The following SRD5A2 variants were observed in gnomAD, a reference collection of about 807,000 sequenced individuals.
SRD5A2 encodes steroid 5 alpha-reductase 2, also known as 3-oxo-5-alpha-steroid 4-dehydrogenase 2.
In SRD5A2, 30 loss-of-function variants were observed where a neutral mutation model predicts 27.4. The observed-to-expected ratio is 1.10, with a 90% CI of 0.82 to 1.49. SRD5A2 has a LOEUF of 1.49. Among genes scored for constraint, SRD5A2 ranks in the 40% most tolerant of loss-of-function variants. SRD5A2 has a pLI of 0.00. For synonymous variants in SRD5A2, 141 were observed against 133.6 expected (o/e 1.06, Z -0.38); for missense variants, 348 against 323.4 (o/e 1.08, Z -0.58).
chr2:31,661,499 T>C, the SRD5A2 span, among the ~76,000 whole-genome samples: 4 of 152,184 alleles, frequency 2.6e-5, no homozygotes, highest in Admixed American at 6.5e-5. Flanking sequence ...CTGTTTGATA[T>C]ACAACCATCT....
At chr2:31,620,655 A>G in the SRD5A2 span, among the ~76,000 whole-genome samples, 1 of 151,918 alleles carries the variant, frequency 6.6e-6, no homozygotes, top group African/African-American at 2.4e-5. Context: ...GTTAGTGTAT[A>G]CTTAGTATAA....
chr2:31,534,399 A>G (rs1046418496), intron 1 of SRD5A2, among the ~76,000 whole-genome samples: 3 of 152,198 alleles, frequency 2.0e-5, no homozygotes, highest in Non-Finnish European at 4.4e-5. Flanking sequence ...AAGCCATGGC[A>G]TACTAAGGAT....
chr2:31,655,267 A>G, the SRD5A2 span, among the ~76,000 whole-genome samples: 2 of 151,908 alleles, frequency 1.3e-5, no homozygotes, highest in African/African-American at 2.4e-5. Context: ...ACGACTGACT[A>G]ATTTTTGTAT....
the SRD5A2 span, among the ~76,000 whole-genome samples, chr2:31,642,482 A>G: frequency 6.6e-6 from 1 of 152,036 alleles, no homozygotes; most frequent in Non-Finnish European, 1.5e-5. Context: ...TCATAATCAA[A>G]AAAGTTATCA....
chr2:31,659,111 G>A, the SRD5A2 span, among the ~76,000 whole-genome samples: 4 of 151,708 alleles, frequency 2.6e-5, no homozygotes, highest in East Asian at 1.9e-4. Context: ...TGCAGAAAAC[G>A]CTTTTAATAA....
Position 31,533,596 on chromosome 2 carries a change from C to T in SRD5A2, c.445+7G>A. On this transcript the variant is annotated splice_region_variant and intron_variant, in intron 2 of 4. Coordinates refer to ENST00000622030, the MANE Select transcript of SRD5A2 (RefSeq NM_000348.4). ...GAAGTAGGTGAGAAGTGGGCAGATT[C>T]ACTTACCCAAGCTAAACCGTATGTC... The T allele has an allele frequency of 6.4e-7, 1 of 1,551,076 alleles. No homozygotes were observed. Among genetic ancestry groups the T allele is most frequent in the African/African-American group, 1.4e-5 (1 of 73,158 alleles).
At position 31,522,780 on chromosome 2, in the gene SRD5A2, C is replaced by T. The variant is rs1030416849; in HGVS notation, c.*3416G>A. Reference sequence around the variant, plus strand: ...CCAGAAAAATTCACTTTACATTTGCCGTTACCCTCCTTGTTTTCCCTGCAT... The same window carrying T: ...CCAGAAAAATTCACTTTACATTTGCTGTTACCCTCCTTGTTTTCCCTGCAT... On this transcript the variant is annotated 3_prime_UTR_variant, in exon 5 of 5. Coordinates refer to ENST00000622030, the MANE Select transcript of SRD5A2 (RefSeq NM_000348.4). 1 of 222,460 alleles carries T rather than the reference C, an allele frequency of 4.5e-6. No individual in the cohort carries two copies. Among genetic ancestry groups the T allele is most frequent in the African/African-American group, 2.2e-5 (1 of 44,836 alleles). The allele number at this position is 222,460 out of a possible 1,614,324, so 13.8% of individuals were successfully genotyped here.
chr2:31,557,487 T>G (rs759413531), intron 1 of SRD5A2, among the ~76,000 whole-genome samples: 11 of 152,222 alleles, frequency 7.2e-5, no homozygotes, highest in Non-Finnish European at 1.0e-4. Context: ...TTTCTTGTAA[T>G]GGTCTGGTTG....
At chr2:31,607,128 G>GA in the SRD5A2 span, among the ~76,000 whole-genome samples, 2 of 151,842 alleles carry the variant, frequency 1.3e-5, no homozygotes, top group East Asian at 1.9e-4. Flanking sequence ...GAAAAAGTTG[G>GA]AAAAAAACAT....
chr2:31,644,782 A>C, the SRD5A2 span, among the ~76,000 whole-genome samples: 1 of 152,210 alleles, frequency 6.6e-6, no homozygotes, highest in Non-Finnish European at 1.5e-5. Context: ...AAATTTCCTT[A>C]TTTGTAATTA....
chr2:31,570,008 C>T (rs1292488164), intron 1 of SRD5A2, among the ~76,000 whole-genome samples: 3 of 152,132 alleles, frequency 2.0e-5, no homozygotes, highest in African/African-American at 7.2e-5. Flanking sequence ...GGAAGAGGGA[C>T]TCCTCCCCAA....
the SRD5A2 span, among the ~76,000 whole-genome samples, chr2:31,625,275 G>A: frequency 1.3e-5 from 2 of 152,050 alleles, no homozygotes; most frequent in Non-Finnish European, 2.9e-5. Flanking sequence ...TCGTCAGATA[G>A]GTATATTGCA....
the SRD5A2 span, among the ~76,000 whole-genome samples, chr2:31,655,477 G>A: frequency 9.9e-5 from 15 of 152,282 alleles, no homozygotes; most frequent in African/African-American, 3.6e-4. Flanking sequence ...GAAGTTGTGG[G>A]GCCTGAGCAA....
chr2:31,595,241 A>G, the SRD5A2 span, among the ~76,000 whole-genome samples: 1 of 152,190 alleles, frequency 6.6e-6, no homozygotes, highest in Non-Finnish European at 1.5e-5. Context: ...GAAAAAATCA[A>G]TACAAAAGAT....
chr2:31,535,550 C>G (rs144747443), intron 1 of SRD5A2, among the ~76,000 whole-genome samples: 2 of 152,254 alleles, frequency 1.3e-5, no homozygotes, highest in African/African-American at 4.8e-5. Context: ...TATTAAAAAG[C>G]TGAAGGGGAA....
chr2:31,557,649 A>G (rs1666526913), intron 1 of SRD5A2, among the ~76,000 whole-genome samples: 1 of 152,190 alleles, frequency 6.6e-6, no homozygotes. Flanking sequence ...ATGGAAATTC[A>G]TCCACATCCC....
chr2:31,596,142 T>G, the SRD5A2 span, among the ~76,000 whole-genome samples: 2 of 152,024 alleles, frequency 1.3e-5, no homozygotes, highest in Non-Finnish European at 2.9e-5. Flanking sequence ...CAAGGTGTGG[T>G]GCTCACGCCT....
At chr2:31,600,177 G>A in the SRD5A2 span, among the ~76,000 whole-genome samples, 3 of 152,010 alleles carry the variant, frequency 2.0e-5, no homozygotes, top group African/African-American at 7.2e-5. Flanking sequence ...TCCTTTTTAT[G>A]GCTACACAGT....
intron 2 of SRD5A2, among the ~76,000 whole-genome samples, chr2:31,533,146 T>C (rs1665952156): frequency 1.3e-5 from 2 of 152,108 alleles, no homozygotes; most frequent in Middle Eastern, 3.2e-3. Context: ...CTTTTTCCAA[T>C]GTGGTCCAGG....
Sources: allele counts gnomAD v4.1 joint callset (sites outside exome capture counted in the v4.1 genomes callset), GRCh38; gene constraint gnomAD v4.1.1; transcripts MANE v1.5; gene names NCBI Gene and HGNC (gene_info 2026-07-23, HGNC 2026-07-21).